The following PPARGC1A variants were observed in gnomAD, a reference collection of about 807,000 sequenced individuals.
The protein encoded by PPARGC1A is peroxisome proliferator-activated receptor gamma coactivator 1-alpha.
A neutral mutation model predicts 88.7 loss-of-function variants in PPARGC1A; 25 were observed. The observed-to-expected ratio is 0.28, with a 90% confidence interval of 0.21 to 0.39. The LOEUF (loss-of-function observed/expected upper bound fraction) is 0.39, where lower values mean the gene tolerates loss of function less well. Among genes scored for constraint, PPARGC1A ranks in the 10% least tolerant of loss-of-function variants. The pLI is 1.00. For missense variants in PPARGC1A, 880 were observed against 968.7 expected (o/e 0.91, Z 1.22); for synonymous variants, 363 against 355.6 (o/e 1.02, Z -0.24).
At chr4:23,845,582 A>C (rs926466740) in intron 2 of PPARGC1A, among the ~76,000 whole-genome samples, 2 of 152,142 alleles carry the variant, frequency 1.3e-5, no homozygotes, top group Non-Finnish European at 2.9e-5. Context: ...AGGGTGAAAG[A>C]GATCCAAGTG....
the PPARGC1A span, among the ~76,000 whole-genome samples, chr4:24,182,887 C>T: frequency 2.0e-5 from 3 of 152,170 alleles, no homozygotes; most frequent in African/African-American, 2.4e-5. Flanking sequence ...TGAATGCCTA[C>T]AACACACCAG....
chr4:24,173,535 A>G, the PPARGC1A span, among the ~76,000 whole-genome samples: 1 of 152,158 alleles, frequency 6.6e-6, no homozygotes, highest in East Asian at 1.9e-4. Flanking sequence ...TGTTGCAACA[A>G]CAACAAAATC....
chr4:24,055,840 C>G, the PPARGC1A span, among the ~76,000 whole-genome samples: 7 of 152,198 alleles, frequency 4.6e-5, no homozygotes, highest in African/African-American at 1.7e-4. Context: ...TAGCCTGGCA[C>G]CAAGTCGCAT....
the PPARGC1A span, among the ~76,000 whole-genome samples, chr4:24,074,330 G>A: frequency 6.8e-6 from 1 of 146,896 alleles, no homozygotes; most frequent in East Asian, 2.0e-4. Flanking sequence ...ATCTGTGAAT[G>A]GGAATAATTA....
chr4:24,376,878 G>T, the PPARGC1A span, among the ~76,000 whole-genome samples: 1 of 152,132 alleles, frequency 6.6e-6, no homozygotes, highest in Admixed American at 6.6e-5. Context: ...ATGACTAAAT[G>T]TTGGTTATAT....
the PPARGC1A span, among the ~76,000 whole-genome samples, chr4:24,383,671 T>C: frequency 0.013 from 1,977 of 152,018 alleles, 43 homozygotes; most frequent in African/African-American, 0.046. Flanking sequence ...AAGACAAGAC[T>C]AGAGAAAAAA....
In PPARGC1A at chr4:23,829,476, G is replaced by C. The variant is rs1473636169; in HGVS notation, c.539C>G (p.Pro180Arg). ...ANHNHRIRTN[P>R]AIVKTENSWS... is the part of the protein sequence containing the mutation. ...TTACATTTGTACCTTAACAATTGCA[G>C]GGTTTGTTCTGATCCTGTGATTGTG... Residue 180 changes from proline to arginine, a missense_variant, in exon 4 of 13, where the codon CCT (proline) becomes CGT (arginine). Physicochemically the swap from Pro to Arg is moderately radical, Grantham distance 103. Coordinates refer to ENST00000264867, the MANE Select transcript of PPARGC1A (RefSeq NM_013261.5). 1.2e-6 allele frequency: 2 copies of C among 1,613,244 alleles called. No individual in the cohort carries two copies. The highest frequency in any genetic ancestry group is 3.3e-5 in the Admixed American group (2 of 59,990).
At chr4:24,406,490 G>A in the PPARGC1A span, among the ~76,000 whole-genome samples, 2 of 152,270 alleles carry the variant, frequency 1.3e-5, no homozygotes, top group East Asian at 1.9e-4. Context: ...AAAGGGATTT[G>A]GAATTATGCT....
chr4:24,432,289 GC>G, the PPARGC1A span, among the ~76,000 whole-genome samples: 1 of 152,302 alleles, frequency 6.6e-6, no homozygotes, highest in South Asian at 2.1e-4. Flanking sequence ...GAGAAGATGT[GC>G]CTGCCATGGG....
chr4:24,121,316 C>T, the PPARGC1A span, among the ~76,000 whole-genome samples: 147 of 152,302 alleles, frequency 9.7e-4, 2 homozygotes, highest in Middle Eastern at 3.4e-3. Context: ...CAAGTTAGAA[C>T]ACCGCCAACC....
the PPARGC1A span, among the ~76,000 whole-genome samples, chr4:24,152,394 G>A: frequency 2.6e-5 from 4 of 152,166 alleles, no homozygotes; most frequent in Admixed American, 6.6e-5. Flanking sequence ...ACACCAAGAT[G>A]TAAGCCAACA....
chr4:23,814,216 T>C lies in PPARGC1A; in HGVS notation c.1267A>G (p.Ile423Val). 1 of 1,614,152 alleles carries C rather than the reference T, an allele frequency of 6.2e-7. No individual in the cohort carries two copies. Among genetic ancestry groups the C allele is most frequent in the Middle Eastern group, 1.6e-4 (1 of 6,062 alleles). Reference protein sequence around the residue: ...KDVSSDWQGQICSSTDSDQCY... With the variant: ...KDVSSDWQGQVCSSTDSDQCY... The stretch of plus-strand genomic sequence containing the variant: ...TGGTCTGAATCTGTGGAAGAACAAA[T>C]CTGCCCCTGCCAATCAGAGGAGACA... The change falls in exon 8 of 13, where the codon ATT becomes GTT. Residue 423 changes from isoleucine (I) to valine (V), a missense_variant. Ile to Val is a conservative substitution (Grantham distance 29). Transcript: ENST00000264867.
At chr4:24,129,240 C>T in the PPARGC1A span, among the ~76,000 whole-genome samples, 3 of 152,108 alleles carry the variant, frequency 2.0e-5, no homozygotes, top group African/African-American at 7.2e-5. Context: ...ATTCTTCATC[C>T]ATCCACTGAG....
chr4:23,869,405 C>T (rs1176281695), intron 2 of PPARGC1A, among the ~76,000 whole-genome samples: 4 of 151,980 alleles, frequency 2.6e-5, no homozygotes, highest in East Asian at 1.9e-4. Context: ...GGTTGTGGCC[C>T]GACCAAGGCT....
the PPARGC1A span, among the ~76,000 whole-genome samples, chr4:24,205,694 A>T: frequency 6.6e-6 from 1 of 152,172 alleles, no homozygotes; most frequent in Admixed American, 6.5e-5. Context: ...ATCCATCTTT[A>T]GGCTGGAATA....
chr4:23,866,674 A>G (rs1244220799), intron 2 of PPARGC1A, among the ~76,000 whole-genome samples: 4 of 152,328 alleles, frequency 2.6e-5, no homozygotes, highest in Non-Finnish European at 4.4e-5. Context: ...TAAAAATAGC[A>G]GGCACTAGAG....
chr4:24,090,241 C>A, the PPARGC1A span, among the ~76,000 whole-genome samples: 2 of 152,168 alleles, frequency 1.3e-5, no homozygotes, highest in Admixed American at 6.5e-5. Flanking sequence ...GGAGACCCAC[C>A]ACATGTCATC....
At chr4:24,422,967 T>G in the PPARGC1A span, among the ~76,000 whole-genome samples, 7 of 152,346 alleles carry the variant, frequency 4.6e-5, no homozygotes, top group South Asian at 1.4e-3. Flanking sequence ...ACACCTTGGA[T>G]TTAAAATAAA....
At chr4:23,919,559 AAAAG>A in the PPARGC1A span, among the ~76,000 whole-genome samples, 6 of 89,882 alleles carry the variant, frequency 6.7e-5, no homozygotes, top group African/African-American at 3.9e-4. Flanking sequence ...AAAAAAAAAA[AAAAG>A]AAGTGAATTG....
Sources: allele counts gnomAD v4.1 joint callset (sites outside exome capture counted in the v4.1 genomes callset), GRCh38; gene constraint gnomAD v4.1.1; transcripts MANE v1.5; gene names NCBI Gene and HGNC (gene_info 2026-07-23, HGNC 2026-07-21).